Variants in PHEX observed in about 807,000 individuals in gnomAD.
PHEX encodes the protein phosphate regulating endopeptidase X-linked, also known as phosphate-regulating neutral endopeptidase PHEX.
Under a neutral mutation model 68.0 loss-of-function variants are expected in PHEX, and 16 were observed. That is an observed-to-expected ratio of 0.24 (90% CI 0.16 to 0.36). The LOEUF (loss-of-function observed/expected upper bound fraction) is 0.36. Ranked by LOEUF, PHEX falls within the 10% of genes least tolerant of loss-of-function variation. The pLI, the probability that PHEX is intolerant of heterozygous loss-of-function variation, is 1.00. For missense variants in PHEX, 480 were observed against 575.5 expected, an observed-to-expected ratio of 0.83 and a Z score of 1.70; for synonymous variants, 208 against 205.1, an observed-to-expected ratio of 1.01 and a Z score of -0.12.
At position 22,094,022 on chromosome X, in the gene PHEX, G is replaced by C. The variant is rs1414159605; in HGVS notation, c.772G>C (p.Val258Leu). ...TTACAAGTTCATGGTGGATACTGCC[G>C]TGCTTTTAGGAGCTAACAGTTCCAG... ...ALYKFMVDTAVLLGANSSRAE... is the reference protein window; with the variant it reads ...ALYKFMVDTALLLGANSSRAE... Residue 258 changes from valine (V) to leucine (L), a missense_variant, in exon 7 of 22, where the codon GTG becomes CTG. Transcript: ENST00000379374. The C allele has an allele frequency of 1.7e-6, 2 of 1,202,189 alleles. No homozygotes were observed. Among genetic ancestry groups the C allele is most frequent in the Admixed American group, 4.4e-5 (2 of 45,653 alleles).
intron 3 of PHEX, among the ~76,000 whole-genome samples, chrX:22,055,642 A>G (rs937228482): frequency 1.6e-4 from 18 of 110,768 alleles, no homozygotes; most frequent in African/African-American, 4.6e-4. Context: ...GCTCACCGCA[A>G]CCTCTGCCTC....
chrX:22,102,362 T>C (rs751535669), intron 9 of PHEX, among the ~76,000 whole-genome samples: 1 of 112,355 alleles, frequency 8.9e-6, no homozygotes, highest in Non-Finnish European at 1.9e-5. Context: ...CTTAACATTA[T>C]GATCTCCAGT....
At chrX:22,165,014 A>G (rs941589251) in intron 12 of PHEX, among the ~76,000 whole-genome samples, 7 of 112,113 alleles carry the variant, frequency 6.2e-5, no homozygotes, top group African/African-American at 1.9e-4. Flanking sequence ...GTAAAATCCT[A>G]AGTCTTGAGC....
chrX:22,085,302 T>C (rs59555141), intron 5 of PHEX, among the ~76,000 whole-genome samples: 8,865 of 111,224 alleles, frequency 0.08, 560 homozygotes, highest in African/African-American at 0.21. Flanking sequence ...TGGCCAGGCA[T>C]GGTGGCTCAT....
intron 20 of PHEX, among the ~76,000 whole-genome samples, chrX:22,229,404 T>A (rs897391999): frequency 8.9e-6 from 1 of 112,020 alleles, no homozygotes; most frequent in Non-Finnish European, 1.9e-5. Context: ...ACAGCATCTG[T>A]TGTTTCCTGA....
chrX:22,168,236 G>T (rs749117411), intron 12 of PHEX, 76 bp from the exon 13 acceptor site: 14 of 739,806 alleles, frequency 1.9e-5, no homozygotes, highest in Non-Finnish European at 3.0e-5. Flanking sequence ...GATGAAGGGC[G>T]CATTTCTACA....
At chrX:22,036,929 C>T (rs1569365801) in intron 1 of PHEX, among the ~76,000 whole-genome samples, 1 of 107,832 alleles carries the variant, frequency 9.3e-6, no homozygotes, top group Non-Finnish European at 1.9e-5. Context: ...AACCCCATCT[C>T]CACTAAAAAA....
intron 14 of PHEX, among the ~76,000 whole-genome samples, chrX:22,179,150 A>G (rs7883511): frequency 0.37 from 40,761 of 109,935 alleles, 6,091 homozygotes; most frequent in African/African-American, 0.55. Context: ...TTTGGATCAC[A>G]TTTTGTTCTG....
Position 22,221,484 on chromosome X carries a change from G to A in PHEX, c.1769-129G>A. On this transcript the variant is annotated intron_variant, in intron 17 of 21. Transcript: ENST00000379374. ...CTGTGACATTGGAGAGAATGCAGGAGCTGATCTCAGGAAGAGTGTTCCCTG... is the reference window on the plus strand; with the variant it reads ...CTGTGACATTGGAGAGAATGCAGGAACTGATCTCAGGAAGAGTGTTCCCTG... 3 of 547,290 alleles carry A rather than the reference G, an allele frequency of 5.5e-6. No individual in the cohort carries two copies. In the South Asian group the frequency reaches 8.0e-5, roughly 15 times the overall value. The allele number at this position is 547,290 out of a possible 1,213,427, so 45.1% of individuals were successfully genotyped here.
intron 20 of PHEX, among the ~76,000 whole-genome samples, chrX:22,241,243 A>G (rs1244086778): frequency 1.8e-5 from 2 of 112,322 alleles, no homozygotes; most frequent in Non-Finnish European, 3.8e-5. Context: ...ACAAAGACAC[A>G]ACGTACCTGA....
chrX:22,140,183 A>G (rs748052853), intron 12 of PHEX, among the ~76,000 whole-genome samples: 1 of 111,529 alleles, frequency 9.0e-6, no homozygotes, highest in East Asian at 2.8e-4. Context: ...ATAGAAGGGT[A>G]TAATGTTCAT....
In PHEX at chrX:22,122,984, ATT is replaced by A. The variant is rs34894623; in HGVS notation, c.1302+8420_1302+8421del. Among the ~76,000 whole-genome samples, 67 of 72,242 alleles carry A rather than the reference ATT, an allele frequency of 9.3e-4. 1 individual carries two copies. Among genetic ancestry groups the A allele is most frequent in the Middle Eastern group, 6.4e-3 (1 of 157 alleles). The allele number at this position is 72,242 out of a possible 115,157, so 62.7% of individuals were successfully genotyped here. Reference sequence around the variant, plus strand: ...TACAGACTAGGGAGATAGGGTCTGCATTTTTTTTTTTTTTTTTTTTTTTGAGA... The same window carrying A: ...TACAGACTAGGGAGATAGGGTCTGCATTTTTTTTTTTTTTTTTTTTTGAGA... On this transcript the variant is annotated intron_variant, in intron 11 of 21. Transcript: ENST00000379374.
chrX:22,107,315 C>G (rs1930744392), intron 9 of PHEX, among the ~76,000 whole-genome samples: 1 of 112,131 alleles, frequency 8.9e-6, no homozygotes, highest in South Asian at 3.7e-4. Flanking sequence ...TGGCTCATCA[C>G]CACCCCTTTG....
intron 3 of PHEX, among the ~76,000 whole-genome samples, chrX:22,069,660 GA>G (rs1263751305): frequency 8.9e-6 from 1 of 111,849 alleles, no homozygotes. Context: ...AATGAACAGA[GA>G]AAATAATTCT....
At position 22,038,554 on chromosome X, in the gene PHEX, C is replaced by T; in HGVS notation, c.187+17C>T. The T allele has an allele frequency of 9.4e-7, 1 of 1,064,344 alleles. No homozygotes were observed. Among genetic ancestry groups the T allele is most frequent in the Non-Finnish European group, 1.3e-6 (1 of 761,239 alleles). 87.7% of individuals were successfully genotyped at this position (1,064,344 alleles called of 1,213,427 possible). On this transcript the variant is annotated intron_variant, in intron 2 of 21. Transcript: ENST00000379374. The stretch of plus-strand genomic sequence containing the variant: ...TCGAAGCGGGTAAGTCACAGTTTTC[C>T]ATCCTGTGTCAAGTTATAATTATGG...
At chrX:22,068,074 G>A (rs1928692531) in intron 3 of PHEX, among the ~76,000 whole-genome samples, 1 of 110,872 alleles carries the variant, frequency 9.0e-6, no homozygotes. Context: ...CTGACCTCAG[G>A]TGATCCGCCT....
intron 14 of PHEX, among the ~76,000 whole-genome samples, chrX:22,187,965 C>T (rs751435518): frequency 9.9e-5 from 11 of 111,324 alleles, no homozygotes; most frequent in African/African-American, 2.9e-4. Context: ...GTGAAATGGG[C>T]TAATAATTCC....
chrX:22,116,436 T>C (rs5951500), intron 11 of PHEX, among the ~76,000 whole-genome samples: 15,351 of 111,345 alleles, frequency 0.14, 2,509 homozygotes, highest in African/African-American at 0.47. Context: ...TGATTAATAA[T>C]AATCCGTGTA....
chrX:22,036,596 T>C (rs896247836), intron 1 of PHEX, among the ~76,000 whole-genome samples: 18 of 111,464 alleles, frequency 1.6e-4, no homozygotes, highest in Non-Finnish European at 2.6e-4. Context: ...AAAGAACACA[T>C]GCTCACTAAA....
Sources: allele counts gnomAD v4.1 joint callset (sites outside exome capture counted in the v4.1 genomes callset), GRCh38; gene constraint gnomAD v4.1.1; transcripts MANE v1.5; gene names NCBI Gene and HGNC (gene_info 2026-07-23, HGNC 2026-07-21).